Variants in CD1B observed in about 807,000 individuals in gnomAD.
CD1B encodes CD1b molecule, also known as T-cell surface glycoprotein CD1b.
CD1B carries 43 observed loss-of-function variants against 39.8 expected under a neutral mutation model. The observed-to-expected ratio is 1.08, with a 90% CI of 0.85 to 1.39. The LOEUF is 1.39. CD1B is among the 40% of genes most tolerant of loss of function. The pLI is 0.00. For synonymous variants in CD1B, 192 were observed against 152.5 expected (o/e 1.26, Z -1.91); for missense variants, 495 against 403.8 (o/e 1.23, Z -1.94).
the CD1B span, among the ~76,000 whole-genome samples, chr1:158,312,142 G>C: frequency 1.3e-5 from 2 of 152,084 alleles, no homozygotes. Flanking sequence ...AATACGATAT[G>C]ATTTGGCCCT....
the CD1B span, among the ~76,000 whole-genome samples, chr1:158,300,567 A>G: frequency 6.6e-6 from 1 of 152,012 alleles, no homozygotes; most frequent in African/African-American, 2.4e-5. Flanking sequence ...TCTGCCTAAT[A>G]TTGACAATGG....
At chr1:158,322,490 T>A in the CD1B span, among the ~76,000 whole-genome samples, 1 of 5,250 alleles carries the variant, frequency 1.9e-4, no homozygotes, top group South Asian at 0.016. Context: ...TGAACTCAAA[T>A]CCTTGGGTTT....
At chr1:158,307,153 G>A in the CD1B span, among the ~76,000 whole-genome samples, 1 of 151,992 alleles carries the variant, frequency 6.6e-6, no homozygotes, top group African/African-American at 2.4e-5. Context: ...CTGCTTTTTT[G>A]AAAAGATCAA....
At chr1:158,326,786 AATT>A (rs374291885), downstream of CD1B, among the ~76,000 whole-genome samples, 37 of 149,606 alleles carry the variant, frequency 2.5e-4, no homozygotes, top group East Asian at 9.7e-4. Context: ...GCACATATAA[AATT>A]ATTATTATTA....
the CD1B span, among the ~76,000 whole-genome samples, chr1:158,315,597 T>G: frequency 1.5e-3 from 226 of 151,482 alleles, no homozygotes; most frequent in African/African-American, 5.4e-3. Flanking sequence ...TTTTCTCCCA[T>G]TTTGTAGGTT....
chr1:158,288,548 C>T, the CD1B span, among the ~76,000 whole-genome samples: 2 of 152,162 alleles, frequency 1.3e-5, no homozygotes, highest in East Asian at 3.9e-4. Context: ...TGTGCCACCA[C>T]ATTTGGCCAA....
the CD1B span, among the ~76,000 whole-genome samples, chr1:158,307,825 G>C: frequency 6.6e-6 from 1 of 152,154 alleles, no homozygotes; most frequent in East Asian, 1.9e-4. Flanking sequence ...GGTATTGATG[G>C]GATGTATCTC....
At chr1:158,296,517 C>A in the CD1B span, among the ~76,000 whole-genome samples, 2 of 152,216 alleles carry the variant, frequency 1.3e-5, no homozygotes, top group East Asian at 3.8e-4. Context: ...CGTGGAAGAA[C>A]TCAGGCAGCT....
the CD1B span, among the ~76,000 whole-genome samples, chr1:158,301,929 A>C: frequency 6.6e-6 from 1 of 151,966 alleles, no homozygotes; most frequent in Admixed American, 6.6e-5. Flanking sequence ...CACAAATCAA[A>C]CATAGATTTT....
At chr1:158,327,681 C>T (rs1652405077), downstream of CD1B, among the ~76,000 whole-genome samples, 1 of 152,174 alleles carries the variant, frequency 6.6e-6, no homozygotes, top group South Asian at 2.1e-4. Flanking sequence ...AACTCCAATG[C>T]TGTGAGTAAA....
the CD1B span, among the ~76,000 whole-genome samples, chr1:158,311,832 T>A: frequency 6.6e-6 from 1 of 152,220 alleles, no homozygotes; most frequent in East Asian, 1.9e-4. Flanking sequence ...TTCTGGGTTA[T>A]ATATTCTGTT....
At chr1:158,319,132 A>G in the CD1B span, among the ~76,000 whole-genome samples, 2 of 150,922 alleles carry the variant, frequency 1.3e-5, no homozygotes, top group Admixed American at 1.3e-4. Context: ...GAATCTGACA[A>G]TTATGTGTCT....
the CD1B span, among the ~76,000 whole-genome samples, chr1:158,301,589 T>C: frequency 6.6e-6 from 1 of 152,230 alleles, no homozygotes; most frequent in African/African-American, 2.4e-5. Flanking sequence ...TGAAAATTCT[T>C]TTCTTTAAGA....
chr1:158,291,994 T>C, the CD1B span: 1 of 1,333,024 alleles, frequency 7.5e-7, no homozygotes, highest in Non-Finnish European at 1.0e-6. Context: ...AAAACTTTCT[T>C]GCTTCACTTC....
At chr1:158,292,224 A>T in the CD1B span, 1 of 1,614,160 alleles carries the variant, frequency 6.2e-7, no homozygotes, top group Non-Finnish European at 8.5e-7. Flanking sequence ...AGGCTGTGGA[A>T]GTTTGGCCCA....
At chr1:158,297,440 G>A in the CD1B span, among the ~76,000 whole-genome samples, 1 of 152,076 alleles carries the variant, frequency 6.6e-6, no homozygotes, top group Non-Finnish European at 1.5e-5. Context: ...AGTCATTAAG[G>A]GAGTGCTAAA....
the CD1B span, among the ~76,000 whole-genome samples, chr1:158,294,612 C>A: frequency 6.6e-6 from 1 of 152,058 alleles, no homozygotes; most frequent in Non-Finnish European, 1.5e-5. Flanking sequence ...TAAACAAAAT[C>A]ACAATCAAGA....
chr1:158,305,572 T>C, the CD1B span, among the ~76,000 whole-genome samples: 4 of 152,004 alleles, frequency 2.6e-5, no homozygotes, highest in Admixed American at 6.5e-5. Flanking sequence ...ACTCAGGAAA[T>C]ACAGAGAATG....
intron 5 of CD1B, 111 bp downstream of exon 5, chr1:158,328,810 G>GT (rs1652461788): frequency 1.3e-6 from 1 of 760,208 alleles, no homozygotes; most frequent in Non-Finnish European, 2.1e-6. Flanking sequence ...AAAGGATATG[G>GT]TGAAAGGATT....
Sources: gnomAD v4.1 joint callset for allele counts (sites outside exome capture counted in the v4.1 genomes callset) on GRCh38, gnomAD v4.1.1 for gene constraint, MANE v1.5 for transcripts, NCBI Gene and HGNC (gene_info 2026-07-23, HGNC 2026-07-21) for gene names.